The following SMC4 variants were observed in gnomAD, a reference collection of about 807,000 sequenced individuals.
SMC4 encodes the protein structural maintenance of chromosomes protein 4.
Under a neutral mutation model 145.6 loss-of-function variants are expected in SMC4, and 87 were observed. The ratio of observed to expected loss-of-function variants is 0.60; its 90% confidence interval spans 0.50 to 0.71. The LOEUF is 0.71. Among genes scored for constraint, SMC4 ranks in the 30% least tolerant of loss-of-function variants. The pLI, the probability that SMC4 is intolerant of heterozygous loss-of-function variation, is 0.00. For missense variants in SMC4, 1,447 were observed against 1,537.1 expected (o/e 0.94, Z 0.98); for synonymous variants, 558 against 500.7 (o/e 1.11, Z -1.53).
chr3:160,409,025 G>T (rs894535227), intron 5 of SMC4, among the ~76,000 whole-genome samples: 8 of 151,882 alleles, frequency 5.3e-5, no homozygotes, highest in Non-Finnish European at 2.9e-5. Context: ...CCAGCACTTT[G>T]GGAGGCCCAG....
chr3:160,429,866 G>A (rs978932015), intron 18 of SMC4, among the ~76,000 whole-genome samples: 6 of 151,964 alleles, frequency 3.9e-5, no homozygotes, highest in Non-Finnish European at 8.8e-5. Flanking sequence ...ACAGGCACAC[G>A]CTACCAGGCC....
chr3:160,412,262 T>C (rs1435595769), intron 6 of SMC4, 64 bp from the exon 7 acceptor site: 1 of 1,499,656 alleles, frequency 6.7e-7, no homozygotes, highest in East Asian at 2.3e-5. Flanking sequence ...AATGTTTGCA[T>C]ATTTTAAGTT....
rs1442922982 is a variant in SMC4, at chr3:160,416,345, A to T, written c.1367A>T (p.Glu456Val). Residue 456 changes from glutamate to valine, a missense_variant, in exon 10 of 24, where the codon GAA becomes GTA. Coordinates refer to ENST00000357388, the MANE Select transcript of SMC4 (RefSeq NM_001002800.3). ...GCCCTCGAGAAGGAAAAAGAGAAAGAAGAAAAAAAATTAAAGGAAGTTATG... is the reference window on the plus strand; with the variant it reads ...GCCCTCGAGAAGGAAAAAGAGAAAGTAGAAAAAAAATTAAAGGAAGTTATG... ...NNALEKEKEK[E>V]EKKLKEVMDS... 6.2e-7 allele frequency: 1 copy of T among 1,605,884 alleles called. No individual in the cohort carries two copies.
At chr3:160,432,181 G>A (rs572274881) in intron 21 of SMC4, 102 bp from the exon 22 acceptor site, 22 of 928,094 alleles carry the variant, frequency 2.4e-5, no homozygotes, top group Middle Eastern at 5.9e-4. Context: ...CAGCCTGGGC[G>A]TCAGGGCAAG....
chr3:160,416,959 GAGAA>G (rs901462348), intron 10 of SMC4, among the ~76,000 whole-genome samples: 9 of 152,142 alleles, frequency 5.9e-5, no homozygotes, highest in East Asian at 1.9e-4. Flanking sequence ...ATAACGTACT[GAGAA>G]AGAAAATAAA....
chr3:160,403,782 G>C (rs531997418), intron 4 of SMC4, among the ~76,000 whole-genome samples: 1 of 152,130 alleles, frequency 6.6e-6, no homozygotes, highest in Non-Finnish European at 1.5e-5. Flanking sequence ...AAGTAGATTT[G>C]CAATTGATTT....
chr3:160,426,083 G>C lies in SMC4; in HGVS notation c.2488G>C (p.Glu830Gln), dbSNP rs1717759885. 3 of 1,601,584 alleles carry C rather than the reference G, an allele frequency of 1.9e-6. No homozygotes were observed. Among genetic ancestry groups the C allele is most frequent in the Non-Finnish European group, 2.6e-6 (3 of 1,174,022 alleles). Residue 830 changes from glutamate to glutamine, a missense_variant, in exon 17 of 24, where the codon GAG becomes CAG. Glu to Gln is a conservative substitution (Grantham distance 29, BLOSUM62 2). Coordinates refer to ENST00000357388, the MANE Select transcript of SMC4 (RefSeq NM_001002800.3). ...TAAAACTTTTTTGTAGCGTTTAATA[G>C]AGCAAGAAGAATATTTGAATGTCCA... ...KFTASIQRLI[E>Q]QEEYLNVQVK...
intron 5 of SMC4, among the ~76,000 whole-genome samples, chr3:160,409,137 G>A (rs538901782): frequency 4.0e-5 from 6 of 151,086 alleles, no homozygotes; most frequent in Admixed American, 1.3e-4. Context: ...ATGGTGGCGC[G>A]TGCCTGTAGT....
intron 22 of SMC4, 56 bp downstream of exon 22, chr3:160,432,571 C>A: frequency 9.0e-7 from 1 of 1,116,622 alleles, no homozygotes; most frequent in African/African-American, 1.6e-5. Context: ...ACATATTCTC[C>A]AAACTCAGTA....
In SMC4 at chr3:160,424,904, A is replaced by G; in HGVS notation, c.2363A>G (p.Lys788Arg). 2 of 1,614,146 alleles carry G rather than the reference A, an allele frequency of 1.2e-6. No homozygotes were observed. Among genetic ancestry groups the G allele is most frequent in the South Asian group, 2.2e-5 (2 of 91,086 alleles). Residue 788 changes from lysine (K) to arginine (R), a missense_variant, in exon 16 of 24, where the codon AAA becomes AGA. Transcript: ENST00000357388. ...KMESQLQNDS[K>R]KAMQIQEQKV... Reference sequence around the variant, plus strand: ...GAATCACAGTTGCAAAACGACTCTAAAAAAGCAATGCAAATCCAAGAACAG... The same window carrying G: ...GAATCACAGTTGCAAAACGACTCTAGAAAAGCAATGCAAATCCAAGAACAG...
intron 8 of SMC4, 88 bp from the exon 9 acceptor site, chr3:160,414,275 ATATT>A (rs746513941): frequency 2.1e-5 from 22 of 1,025,022 alleles, no homozygotes; most frequent in Admixed American, 1.6e-4. Flanking sequence ...GAGCCTGGAC[ATATT>A]TATAGAGGAA....
chr3:160,402,825 G>T lies in SMC4; in HGVS notation c.468G>T (p.Gln156His). ...ATTCTGATGAACACAAGGACATTCA[G>T]AGTTGTACAGTAGAAGTTCATTTTC... ...IHNSDEHKDIQSCTVEVHFQK... is the reference protein window; with the variant it reads ...IHNSDEHKDIHSCTVEVHFQK... The change falls in exon 4 of 24, where the codon CAG becomes CAT. Residue 156 changes from glutamine (Q) to histidine (H), a missense_variant. Transcript: ENST00000357388. 6.3e-7 allele frequency: 1 copy of T among 1,598,754 alleles called. No homozygotes were observed. Among genetic ancestry groups the T allele is most frequent in the Non-Finnish European group, 8.5e-7 (1 of 1,176,060 alleles).
chr3:160,406,605 G>A (rs1222594390), intron 5 of SMC4, among the ~76,000 whole-genome samples: 1 of 152,118 alleles, frequency 6.6e-6, no homozygotes, highest in Non-Finnish European at 1.5e-5. Context: ...AATAAAACAT[G>A]TAGACTATTT....
intron 2 of SMC4, 47 bp downstream of exon 2, chr3:160,401,012 G>A: frequency 7.3e-7 from 1 of 1,362,718 alleles, no homozygotes. Context: ...TGTGGGACTG[G>A]CAGGCAAACG....
In SMC4 at chr3:160,433,897, A is replaced by T; in HGVS notation, c.*88A>T. ...GGATTATGAGTTGTATAAAATACATACTCCCTAAACTAGATCATGAAACTG... is the reference window on the plus strand; with the variant it reads ...GGATTATGAGTTGTATAAAATACATTCTCCCTAAACTAGATCATGAAACTG... On this transcript the variant is annotated 3_prime_UTR_variant, in exon 24 of 24. Transcript: ENST00000357388. 1.1e-6 allele frequency: 1 copy of T among 893,174 alleles called. No individual in the cohort carries two copies. Among genetic ancestry groups the T allele is most frequent in the Non-Finnish European group, 1.7e-6 (1 of 584,268 alleles). The allele number at this position is 893,174 out of a possible 1,614,324, so 55.3% of individuals were successfully genotyped here.
chr3:160,421,251 T>A (rs1717146455), intron 13 of SMC4, among the ~76,000 whole-genome samples: 1 of 152,078 alleles, frequency 6.6e-6, no homozygotes, highest in African/African-American at 2.4e-5. Context: ...TTTTAAGTGC[T>A]AAGTGTGTTT....
At chr3:160,421,961 C>A (rs7620205) in intron 13 of SMC4, among the ~76,000 whole-genome samples, 113 of 152,298 alleles carry the variant, frequency 7.4e-4, no homozygotes, top group African/African-American at 2.6e-3. Flanking sequence ...TAAATGGAAT[C>A]ATACAATATA....
intron 6 of SMC4, 106 bp from the exon 7 acceptor site, chr3:160,412,220 A>G (rs1354737527): frequency 2.8e-6 from 4 of 1,416,798 alleles, no homozygotes; most frequent in South Asian, 1.4e-5. Flanking sequence ...AACATTTAAG[A>G]TGAACATTCT....
chr3:160,428,251 G>C (rs1452612422), intron 17 of SMC4, among the ~76,000 whole-genome samples: 3 of 152,194 alleles, frequency 2.0e-5, no homozygotes, highest in Non-Finnish European at 4.4e-5. Flanking sequence ...AGCCACAGAG[G>C]AATCTGGGAA....
Sources: gnomAD v4.1 joint callset for allele counts (sites outside exome capture counted in the v4.1 genomes callset) on GRCh38, gnomAD v4.1.1 for gene constraint, MANE v1.5 for transcripts, NCBI Gene and HGNC (gene_info 2026-07-23, HGNC 2026-07-21) for gene names.